The following KIRREL3 variants were observed in gnomAD, a reference collection of about 807,000 sequenced individuals.
KIRREL3 encodes kin of IRRE-like protein 3.
A neutral mutation model predicts 89.7 loss-of-function variants in KIRREL3; 36 were observed. That is an observed-to-expected ratio of 0.40 (90% CI 0.31 to 0.53). The LOEUF is 0.53. Among genes scored for constraint, KIRREL3 ranks in the 20% least tolerant of loss-of-function variants. The pLI, the probability that KIRREL3 is intolerant of heterozygous loss-of-function variation, is 0.49. For synonymous variants in KIRREL3, 445 were observed against 441.4 expected (o/e 1.01, Z -0.10); for missense variants, 864 against 1,056.6 (o/e 0.82, Z 2.53).
At position 126,822,183 on chromosome 11, in the gene KIRREL3, A is replaced by G. The variant is rs1298929708; in HGVS notation, c.55+178272T>C. 2.0e-5 allele frequency among the ~76,000 whole-genome samples: 3 copies of G among 152,318 alleles called. No homozygotes were observed. In the East Asian group the frequency reaches 5.8e-4, roughly 29 times the overall value. On this transcript the variant is annotated intron_variant, in intron 1 of 16. Coordinates refer to ENST00000525144, the MANE Select transcript of KIRREL3 (RefSeq NM_032531.4). ...TAATATGGGAATGATAAGAATGGCT[A>G]TCTTATGGAATTGCCTAGTACACAT...
chr11:126,672,524 C>T (rs2135063229), intron 1 of KIRREL3, among the ~76,000 whole-genome samples: 1 of 152,198 alleles, frequency 6.6e-6, no homozygotes, highest in South Asian at 2.1e-4. Context: ...AAAGGCAAAA[C>T]TATAGAAAAA....
intron 4 of KIRREL3, among the ~76,000 whole-genome samples, chr11:126,514,363 A>G (rs1382577326): frequency 1.3e-5 from 2 of 152,136 alleles, no homozygotes; most frequent in Non-Finnish European, 2.9e-5. Context: ...AGATAAGGAA[A>G]TCAATTCTGC....
chr11:126,765,414 C>G (rs956216039), intron 1 of KIRREL3, among the ~76,000 whole-genome samples: 4 of 152,176 alleles, frequency 2.6e-5, no homozygotes, highest in African/African-American at 9.6e-5. Flanking sequence ...CAGCAACCCA[C>G]TGCCATGCCT....
At chr11:126,818,807 T>C (rs909732738) in intron 1 of KIRREL3, among the ~76,000 whole-genome samples, 5 of 37,474 alleles carry the variant, frequency 1.3e-4, no homozygotes, top group East Asian at 0.11. Flanking sequence ...TGATTTCAGG[T>C]CAGCCTCTAC....
Position 126,981,786 on chromosome 11 carries a change from C to T in KIRREL3, c.55+18669G>A, listed in dbSNP as rs530389036. Among the ~76,000 whole-genome samples, 2 of 152,288 alleles carry T rather than the reference C, an allele frequency of 1.3e-5. No individual in the cohort carries two copies. The highest frequency in any genetic ancestry group is 4.1e-4 in the South Asian group (2 of 4,826). ...AAGAGGGCCTCTCTCCAAGGTGCCT[C>T]CCAGCTCTAGGCCTGAGGTTTCTGT... On this transcript the variant is annotated intron_variant, in intron 1 of 16. Transcript: ENST00000525144. The surrounding 1 kb of genome is among the most constrained non-coding windows in gnomAD (Gnocchi z 4.2).
intron 1 of KIRREL3, among the ~76,000 whole-genome samples, chr11:126,824,963 G>A (rs1943356032): frequency 6.6e-6 from 1 of 152,206 alleles, no homozygotes; most frequent in South Asian, 2.1e-4. Context: ...AGGGACGTAT[G>A]TAGCCTTTTT....
At chr11:126,980,845 G>A (rs889087865) in intron 1 of KIRREL3, among the ~76,000 whole-genome samples, 13 of 152,136 alleles carry the variant, frequency 8.5e-5, no homozygotes, top group African/African-American at 2.7e-4. Flanking sequence ...GAGCATCACC[G>A]ATCAGGAAAA....
chr11:126,446,908 G>C, intron 8 of KIRREL3, 22 bp from the exon 9 acceptor site: 1 of 1,601,708 alleles, frequency 6.2e-7, no homozygotes. Context: ...GGAAGAAGAA[G>C]ACAGGTTCAG....
chr11:126,468,546 C>T (rs1038049648), intron 5 of KIRREL3, among the ~76,000 whole-genome samples: 3 of 152,216 alleles, frequency 2.0e-5, no homozygotes, highest in Non-Finnish European at 4.4e-5. Flanking sequence ...CTGGTGCCCT[C>T]CAGGGCTGAG....
intron 1 of KIRREL3, among the ~76,000 whole-genome samples, chr11:126,822,634 G>C (rs1943265987): frequency 6.6e-6 from 1 of 152,172 alleles, no homozygotes; most frequent in South Asian, 2.1e-4. Context: ...TAATTCATGG[G>C]TTAGAAATTC....
intron 1 of KIRREL3, among the ~76,000 whole-genome samples, chr11:126,964,093 A>T (rs1271571804): frequency 6.6e-6 from 1 of 152,208 alleles, no homozygotes; most frequent in East Asian, 1.9e-4. Context: ...GGCAACTACA[A>T]GGTTTGAGAA....
rs181768824 is a variant in KIRREL3 at position 126,440,580 on chromosome 11, C to T, written c.1253-31G>A. The T allele has an allele frequency of 1.6e-4, 242 of 1,557,068 alleles. 1 individual carries two copies. The African/African-American group carries it at 2.5e-3, about 16-fold the overall frequency. ...GAGAAACAGCGTCCCATTAGGCACC[C>T]GGGAAGGGCACGTCCCTGCTGGCGC... On this transcript the variant is annotated intron_variant, in intron 10 of 16. Transcript: ENST00000525144.
At chr11:126,878,798 T>C (rs991689490) in intron 1 of KIRREL3, among the ~76,000 whole-genome samples, 3 of 152,070 alleles carry the variant, frequency 2.0e-5, no homozygotes, top group Non-Finnish European at 4.4e-5. Flanking sequence ...TCAGCATATA[T>C]CCATATTAAA....
At position 126,628,492 on chromosome 11, in the gene KIRREL3, A is replaced by C. The variant is rs1047229145; in HGVS notation, c.56-65580T>G. On this transcript the variant is annotated intron_variant, in intron 1 of 16. Transcript: ENST00000525144. This position sits in a 1 kb window ranked among gnomAD's most constrained non-coding sequence, Gnocchi z 5.2. ...GGTGGTTAATGAATGTTTGCTGAGCAGGAAGAACAGTATATCCCGTTCTCC... is the reference window on the plus strand; with the variant it reads ...GGTGGTTAATGAATGTTTGCTGAGCCGGAAGAACAGTATATCCCGTTCTCC... 1.3e-5 allele frequency among the ~76,000 whole-genome samples: 2 copies of C among 152,224 alleles called. No homozygotes were observed. The highest frequency in any genetic ancestry group is 4.8e-5 in the African/African-American group (2 of 41,458).
Position 126,996,546 on chromosome 11 carries a change from C to T in KIRREL3, c.55+3909G>A, listed in dbSNP as rs1438853897. On this transcript the variant is annotated intron_variant, in intron 1 of 16. Coordinates refer to ENST00000525144, the MANE Select transcript of KIRREL3 (RefSeq NM_032531.4). The surrounding 1 kb of genome is among the most constrained non-coding windows in gnomAD (Gnocchi z 4.7). ...TCCTTTTCCATGCTTCTTGTCATCT[C>T]CATGGCTCCCTTCACCCTGGCTGGC... is the stretch of plus-strand genomic sequence containing the variant. Among the ~76,000 whole-genome samples, 1 of 152,156 alleles carries T rather than the reference C, an allele frequency of 6.6e-6. No homozygotes were observed. Among genetic ancestry groups the T allele is most frequent in the African/African-American group, 2.4e-5 (1 of 41,456 alleles).
chr11:126,547,211 C>G (rs965650765), intron 2 of KIRREL3, among the ~76,000 whole-genome samples: 4 of 152,204 alleles, frequency 2.6e-5, no homozygotes, highest in Non-Finnish European at 5.9e-5. Context: ...TCAGGGACCA[C>G]TAGTCCTGAC....
Position 126,830,493 on chromosome 11 carries a change from T to C in KIRREL3, c.55+169962A>G, listed in dbSNP as rs763596999. 1.3e-5 allele frequency among the ~76,000 whole-genome samples: 2 copies of C among 152,200 alleles called. No individual in the cohort carries two copies. Among genetic ancestry groups the C allele is most frequent in the Non-Finnish European group, 2.9e-5 (2 of 68,034 alleles). On this transcript the variant is annotated intron_variant, in intron 1 of 16. Coordinates refer to ENST00000525144, the MANE Select transcript of KIRREL3 (RefSeq NM_032531.4). This position sits in a 1 kb window ranked among gnomAD's most constrained non-coding sequence, Gnocchi z 4.9. ...CATTTCTAAGTGACAGGCCTCTGAA[T>C]TGGACTGCAAGGAGCTCACATTTAC... is the stretch of plus-strand genomic sequence containing the variant.
chr11:126,713,978 T>G (rs1947859348), intron 1 of KIRREL3, among the ~76,000 whole-genome samples: 1 of 152,122 alleles, frequency 6.6e-6, no homozygotes, highest in African/African-American at 2.4e-5. Flanking sequence ...ACTGTTTTTG[T>G]AAAGGAGGTT....
rs1000295494 is a variant in KIRREL3 at position 126,719,281 on chromosome 11, A to G, written c.56-156369T>C. On this transcript the variant is annotated intron_variant, in intron 1 of 16. Transcript: ENST00000525144. The surrounding 1 kb of genome is among the most constrained non-coding windows in gnomAD (Gnocchi z 4.7). ...ATCCAATGGTCAACTCCTTGTTGAC[A>G]CAAATGGCCAGCTCTTCTGTTTGAA... Among the ~76,000 whole-genome samples the G allele has an allele frequency of 4.6e-5, 7 of 152,210 alleles. No homozygotes were observed. Among genetic ancestry groups the G allele is most frequent in the African/African-American group, 1.7e-4 (7 of 41,462 alleles).
Sources: gnomAD v4.1 joint callset for allele counts (sites outside exome capture counted in the v4.1 genomes callset) on GRCh38, gnomAD v4.1.1 for gene constraint, Gnocchi (gnomAD v3.1) non-coding constraint, MANE v1.5 for transcripts, NCBI Gene and HGNC (gene_info 2026-07-23, HGNC 2026-07-21) for gene names.